The following SLC35F3 variants were observed in gnomAD, a reference collection of about 807,000 sequenced individuals.
SLC35F3 encodes solute carrier family 35 member F3.
A neutral mutation model predicts 49.9 loss-of-function variants in SLC35F3; 25 were observed. That is an observed-to-expected ratio of 0.50 (90% CI 0.37 to 0.70). The LOEUF is 0.70. Among genes scored for constraint, SLC35F3 ranks in the 30% least tolerant of loss-of-function variants. SLC35F3 has a pLI of 0.00. For synonymous variants in SLC35F3, 275 were observed against 265.4 expected, an observed-to-expected ratio of 1.04 and a Z score of -0.35; for missense variants, 525 against 639.8, an observed-to-expected ratio of 0.82 and a Z score of 1.94.
chr1:234,277,166 TGA>T (rs1232189365), intron 3 of SLC35F3, among the ~76,000 whole-genome samples: 1 of 152,178 alleles, frequency 6.6e-6, no homozygotes, highest in Non-Finnish European at 1.5e-5. Context: ...CACAGTCCAA[TGA>T]GAGAAACTAA....
intron 2 of SLC35F3, among the ~76,000 whole-genome samples, chr1:234,114,082 A>C (rs911949234): frequency 6.6e-6 from 1 of 152,208 alleles, no homozygotes; most frequent in East Asian, 1.9e-4. Context: ...GCTGGTTTCA[A>C]ACTACCAGTG....
At chr1:234,038,656 A>G (rs1284292979) in intron 2 of SLC35F3, among the ~76,000 whole-genome samples, 3 of 152,246 alleles carry the variant, frequency 2.0e-5, no homozygotes, top group African/African-American at 7.2e-5. Context: ...GCTCATCATC[A>G]GACTGTGTGT....
intron 2 of SLC35F3, among the ~76,000 whole-genome samples, chr1:234,084,098 C>G (rs1208073538): frequency 6.6e-6 from 1 of 152,010 alleles, no homozygotes; most frequent in African/African-American, 2.4e-5. Flanking sequence ...CTCAGCCTGC[C>G]AAAGTGCTGG....
chr1:234,312,153 G>A (rs1416663247), intron 4 of SLC35F3, among the ~76,000 whole-genome samples: 1 of 152,178 alleles, frequency 6.6e-6, no homozygotes, highest in Non-Finnish European at 1.5e-5. Flanking sequence ...GTAGAACCCT[G>A]GGCGCACACT....
intron 2 of SLC35F3, among the ~76,000 whole-genome samples, chr1:234,184,984 G>A (rs927392756): frequency 1.3e-5 from 2 of 152,194 alleles, no homozygotes; most frequent in Admixed American, 1.3e-4. Context: ...CATCTGAGAA[G>A]CATTCTATGG....
chr1:234,232,945 GA>G (rs1667408565), intron 3 of SLC35F3, among the ~76,000 whole-genome samples: 2 of 152,184 alleles, frequency 1.3e-5, no homozygotes, highest in Admixed American at 1.3e-4. Context: ...TTGTAAATCA[GA>G]GCACGAATTC....
Position 234,140,998 on chromosome 1 carries a change from G to T in SLC35F3, c.284-90419G>T, listed in dbSNP as rs536059127. Among the ~76,000 whole-genome samples, 66 of 152,160 alleles carry T rather than the reference G, an allele frequency of 4.3e-4. 3 individuals are homozygous for T. The highest frequency in any genetic ancestry group is 1.9e-4 in the Non-Finnish European group (13 of 68,032). Reference sequence around the variant, plus strand: ...GTCATGGCAGCTGTTAATTGGACTAGATTACATTTATCATTAGGCATTTTC... The same window carrying T: ...GTCATGGCAGCTGTTAATTGGACTATATTACATTTATCATTAGGCATTTTC... On this transcript the variant is annotated intron_variant, in intron 2 of 7. Coordinates refer to ENST00000366618, the MANE Select transcript of SLC35F3 (RefSeq NM_173508.4).
At chr1:233,933,973 G>C (rs542808642) in intron 2 of SLC35F3, among the ~76,000 whole-genome samples, 2 of 152,248 alleles carry the variant, frequency 1.3e-5, no homozygotes, top group African/African-American at 4.8e-5. Flanking sequence ...ATGTTTTGAG[G>C]CTATTCACTC....
At chr1:233,980,164 T>C (rs750202795) in intron 2 of SLC35F3, among the ~76,000 whole-genome samples, 1 of 152,160 alleles carries the variant, frequency 6.6e-6, no homozygotes, top group Non-Finnish European at 1.5e-5. Flanking sequence ...CCTTGAAGGA[T>C]GAGGAGGACT....
intron 2 of SLC35F3, among the ~76,000 whole-genome samples, chr1:234,144,439 G>C (rs77808845): frequency 0.061 from 9,342 of 152,162 alleles, 443 homozygotes; most frequent in African/African-American, 0.12. Flanking sequence ...GTTCCATTTG[G>C]TAATTCTTTG....
intron 2 of SLC35F3, among the ~76,000 whole-genome samples, chr1:233,910,091 G>A (rs1661850342): frequency 6.6e-6 from 1 of 152,204 alleles, no homozygotes; most frequent in South Asian, 2.1e-4. Context: ...TTGACACCCT[G>A]TAGGAAGTGC....
intron 3 of SLC35F3, among the ~76,000 whole-genome samples, chr1:234,248,395 A>G (rs1358940599): frequency 8.0e-6 from 1 of 125,000 alleles, no homozygotes; most frequent in Non-Finnish European, 1.7e-5. Flanking sequence ...TGGCTGGTCC[A>G]TTGTTTGATG....
At chr1:234,035,878 T>C (rs549201652) in intron 2 of SLC35F3, among the ~76,000 whole-genome samples, 14 of 152,354 alleles carry the variant, frequency 9.2e-5, no homozygotes, top group Non-Finnish European at 1.9e-4. Flanking sequence ...AGAGTCTGTT[T>C]CCACCAAAGT....
At chr1:234,142,090 GAC>G (rs1364601084) in intron 2 of SLC35F3, among the ~76,000 whole-genome samples, 1 of 152,188 alleles carries the variant, frequency 6.6e-6, no homozygotes, top group South Asian at 2.1e-4. Flanking sequence ...ATCATCGAAA[GAC>G]TAAGCTCATG....
chr1:234,056,861 ACT>A (rs1664463488), intron 2 of SLC35F3, among the ~76,000 whole-genome samples: 1 of 152,118 alleles, frequency 6.6e-6, no homozygotes, highest in African/African-American at 2.4e-5. Flanking sequence ...AAAGGGTCTA[ACT>A]CATCCTTTTT....
intron 2 of SLC35F3, among the ~76,000 whole-genome samples, chr1:234,216,262 T>G (rs1019307520): frequency 1.3e-5 from 2 of 152,130 alleles, no homozygotes; most frequent in African/African-American, 2.4e-5. Flanking sequence ...TACCTCCTAG[T>G]AGGACAGATT....
rs74147569 is a variant in SLC35F3 at position 234,222,920 on chromosome 1, G to C, written c.284-8497G>C. ...TGTATATGGAGGCATCATGTGCCCAGGCCACAGAAAATGGTGAAATTCCAG... is the reference window on the plus strand; with the variant it reads ...TGTATATGGAGGCATCATGTGCCCACGCCACAGAAAATGGTGAAATTCCAG... On this transcript the variant is annotated intron_variant, in intron 2 of 7. Coordinates refer to ENST00000366618, the MANE Select transcript of SLC35F3 (RefSeq NM_173508.4). Among the ~76,000 whole-genome samples, 675 of 152,296 alleles carry C rather than the reference G, an allele frequency of 4.4e-3. 8 individuals carry two copies. Among genetic ancestry groups the C allele is most frequent in the African/African-American group, 0.015 (632 of 41,572 alleles).
At chr1:234,058,488 G>A (rs1664490874) in intron 2 of SLC35F3, among the ~76,000 whole-genome samples, 1 of 151,608 alleles carries the variant, frequency 6.6e-6, no homozygotes. Context: ...GAGACTATAG[G>A]CATGCACCAT....
In SLC35F3 at chr1:233,909,950, G is replaced by T. The variant is rs78164381; in HGVS notation, c.283+4192G>T. Among the ~76,000 whole-genome samples the T allele has an allele frequency of 9.9e-3, 1,507 of 152,170 alleles. 26 individuals carry two copies. Among genetic ancestry groups the T allele is most frequent in the African/African-American group, 0.034 (1,407 of 41,508 alleles). ...CTCTCCTTCCTCACCTTTCTTCCTG[G>T]ACCACTTTTTAGGTTTTCAGGATGG... On this transcript the variant is annotated intron_variant, in intron 2 of 7. Transcript: ENST00000366618.
Sources: allele counts gnomAD v4.1 joint callset (sites outside exome capture counted in the v4.1 genomes callset), GRCh38; gene constraint gnomAD v4.1.1; transcripts MANE v1.5; gene names NCBI Gene and HGNC (gene_info 2026-07-23, HGNC 2026-07-21).